Variants in TMC2 observed in about 807,000 individuals in gnomAD.
The protein encoded by TMC2 is transmembrane channel like 2.
TMC2 carries 102 observed loss-of-function variants against 105.9 expected under a neutral mutation model. The observed-to-expected ratio is 0.96, with a 90% confidence interval of 0.82 to 1.14. TMC2 has a LOEUF of 1.14. Among genes scored for constraint, TMC2 ranks in the 50% most tolerant of loss-of-function variants. The pLI is 0.00. For missense variants in TMC2, 1,093 were observed against 1,134.3 expected, an observed-to-expected ratio of 0.96 and a Z score of 0.52; for synonymous variants, 402 against 422.8, an observed-to-expected ratio of 0.95 and a Z score of 0.60.
At chr20:2,551,397 G>C (rs1018008308) in intron 2 of TMC2, among the ~76,000 whole-genome samples, 20 of 137,544 alleles carry the variant, frequency 1.5e-4, no homozygotes, top group Non-Finnish European at 2.9e-4. Flanking sequence ...CTACTAGTTT[G>C]TGGGTTTTTT....
Position 2,572,237 on chromosome 20 carries a change from C to A in TMC2, c.613C>A (p.Gln205Lys), listed in dbSNP as rs199595467. ...TGCCTTGGGAAAGGGGAAAGGCAAG[C>A]AACTATATGCCTACAAGATGCTGAT... The part of the protein sequence containing the change: ...EGALGKGKGK[Q>K]LYAYKMLMAK... Residue 205 changes from glutamine to lysine, a missense_variant, in exon 5 of 20, where the codon CAA becomes AAA. Gln to Lys is a moderately conservative substitution (Grantham distance 53). Transcript: ENST00000358864. 107 of 1,612,848 alleles carry A rather than the reference C, an allele frequency of 6.6e-5. No homozygotes were observed. Among genetic ancestry groups the A allele is most frequent in the Non-Finnish European group, 8.6e-5 (102 of 1,179,670 alleles).
At chr20:2,573,722 G>T (rs966417127) in intron 5 of TMC2, among the ~76,000 whole-genome samples, 1 of 147,142 alleles carries the variant, frequency 6.8e-6, no homozygotes, top group Non-Finnish European at 1.5e-5. Flanking sequence ...CACCACGCCC[G>T]GCTAATTTTT....
At chr20:2,601,662 G>A (rs1284635375) in intron 10 of TMC2, among the ~76,000 whole-genome samples, 3 of 152,054 alleles carry the variant, frequency 2.0e-5, no homozygotes, top group Non-Finnish European at 4.4e-5. Flanking sequence ...CCAACATGGA[G>A]AAACCCCATC....
chr20:2,642,883 C>G lies in TMC2; in HGVS notation c.*1532C>G, dbSNP rs1200767098. Among the ~76,000 whole-genome samples the G allele has an allele frequency of 6.6e-6, 1 of 152,016 alleles. No homozygotes were observed. The highest frequency in any genetic ancestry group is 1.5e-5 in the Non-Finnish European group (1 of 68,028). ...ATCAACTGTTACAGCCACCACCCAA[C>G]CAGGCCCCCAGGGGTTCTCAGGAGA... On this transcript the variant is annotated 3_prime_UTR_variant, in exon 20 of 20. Transcript: ENST00000358864.
intron 16 of TMC2, chr20:2,617,566 T>C (rs2086493957): frequency 1.9e-6 from 1 of 522,652 alleles, no homozygotes; most frequent in South Asian, 2.6e-5. Flanking sequence ...ACTGAGAAAA[T>C]TAATTTCTCA....
rs112203083 is a variant in TMC2 at position 2,636,656 on chromosome 20, G to A, written c.2385+652G>A. On this transcript the variant is annotated intron_variant, in intron 18 of 19. Coordinates refer to ENST00000358864, the MANE Select transcript of TMC2 (RefSeq NM_080751.3). The stretch of plus-strand genomic sequence containing the variant: ...TTTGTTTGTTTTAAGATGGAGTCTC[G>A]CTCTGTCACCAGGCTGGAGTGCAGT... Among the ~76,000 whole-genome samples, 31 of 152,124 alleles carry A rather than the reference G, an allele frequency of 2.0e-4. 1 individual carries two copies. The highest frequency in any genetic ancestry group is 6.7e-4 in the African/African-American group (28 of 41,482).
At chr20:2,630,275 T>C (rs2086594494) in intron 17 of TMC2, among the ~76,000 whole-genome samples, 1 of 152,232 alleles carries the variant, frequency 6.6e-6, no homozygotes, top group Non-Finnish European at 1.5e-5. Flanking sequence ...TTGTTTCTAT[T>C]ACTGAAAGTA....
intron 8 of TMC2, among the ~76,000 whole-genome samples, chr20:2,594,030 G>A (rs972157861): frequency 7.9e-5 from 12 of 152,014 alleles, no homozygotes; most frequent in Admixed American, 2.6e-4. Context: ...TCCCTCCTTT[G>A]TGAGCTTCAT....
chr20:2,579,162 A>G lies in TMC2; in HGVS notation c.662A>G (p.Lys221Arg), dbSNP rs777519107. 1.3e-6 allele frequency: 2 copies of G among 1,589,790 alleles called. No individual in the cohort carries two copies. Among genetic ancestry groups the G allele is most frequent in the South Asian group, 2.2e-5 (2 of 90,518 alleles). ...MLMAKKWVKF[K>R]RDFDNFKTQC... is the part of the protein sequence containing the mutation. ...TTATTTCAGAAATGGGTCAAATTTAAGAGAGACTTTGATAATTTCAAGACT... is the reference window on the plus strand; with the variant it reads ...TTATTTCAGAAATGGGTCAAATTTAGGAGAGACTTTGATAATTTCAAGACT... The change falls in exon 6 of 20, where the codon AAG (lysine) becomes AGG (arginine). Residue 221 changes from lysine (K) to arginine (R), a missense_variant. By Grantham distance (26) the Lys-to-Arg change is conservative. Coordinates refer to ENST00000358864, the MANE Select transcript of TMC2 (RefSeq NM_080751.3).
chr20:2,589,148 T>C, intron 7 of TMC2, among the ~76,000 whole-genome samples: 1 of 152,342 alleles, frequency 6.6e-6, no homozygotes, highest in East Asian at 1.9e-4. Flanking sequence ...GTTTTACTTA[T>C]TCCTCTGGTG....
rs2085952969 is a variant in TMC2, at chr20:2,550,945, T to A, written c.83-7511T>A. Among the ~76,000 whole-genome samples the A allele has an allele frequency of 2.6e-5, 4 of 152,224 alleles. No homozygotes were observed. The South Asian group carries it at 8.3e-4, about 31-fold the overall frequency. On this transcript the variant is annotated intron_variant, in intron 2 of 19. Transcript: ENST00000358864. ...TTATGAATAAGGTGGCCGTAAATATTTGTGTGCAGGCTTTTGTTTTGGGAC... is the reference window on the plus strand; with the variant it reads ...TTATGAATAAGGTGGCCGTAAATATATGTGTGCAGGCTTTTGTTTTGGGAC...
chr20:2,572,575 C>T (rs981773863), intron 5 of TMC2, among the ~76,000 whole-genome samples: 8 of 152,110 alleles, frequency 5.3e-5, no homozygotes, highest in African/African-American at 1.9e-4. Context: ...CAAATCAGGA[C>T]AGGTTGAGTT....
intron 7 of TMC2, among the ~76,000 whole-genome samples, chr20:2,581,165 CA>C (rs2086186821): frequency 6.6e-6 from 1 of 152,184 alleles, no homozygotes; most frequent in South Asian, 2.1e-4. Flanking sequence ...ACATTTTCTG[CA>C]CAGCCACTTT....
chr20:2,624,195 A>AG, intron 16 of TMC2, 76 bp from the exon 17 acceptor site: 4 of 1,497,146 alleles, frequency 2.7e-6, no homozygotes, highest in South Asian at 1.3e-5. Flanking sequence ...GGACCTGGGT[A>AG]GGGGGGCCAT....
At position 2,613,234 on chromosome 20, in the gene TMC2, ACAT is replaced by A; in HGVS notation, c.1787_1789del (p.Ile596del). 6.2e-7 allele frequency: 1 copy of A among 1,614,060 alleles called. No individual in the cohort carries two copies. Among genetic ancestry groups the A allele is most frequent in the Non-Finnish European group, 8.5e-7 (1 of 1,179,962 alleles). ...ACGGTGTCTGACATGCTGGTAACGT[ACAT>A]CACCATCCTGCTGGGGGACTTCCTA... On this transcript the variant is annotated inframe_deletion, in exon 14 of 20. Coordinates refer to ENST00000358864, the MANE Select transcript of TMC2 (RefSeq NM_080751.3).
chr20:2,589,113 C>T (rs1018900501), intron 7 of TMC2, among the ~76,000 whole-genome samples: 11 of 152,056 alleles, frequency 7.2e-5, no homozygotes, highest in East Asian at 1.9e-4. Flanking sequence ...CTGAGTGCTA[C>T]GCATTGTTTG....
rs2086548396 is a variant in TMC2 at position 2,624,292 on chromosome 20, T to C, written c.2202T>C (p.Asp734=). Reference sequence around the variant, plus strand: ...CCAGTGGGAAAAACAGAATGTACGATGTCCTCCAAGAGACCATTGAAAACG... The same window carrying C: ...CCAGTGGGAAAAACAGAATGTACGACGTCCTCCAAGAGACCATTGAAAACG... ...GPFSGKNRMY[D]VLQETIENDF... is the part of the protein sequence containing the mutation. The change falls in exon 17 of 20, where the codon GAT becomes GAC. Residue 734 remains aspartate (D), a synonymous_variant. Transcript: ENST00000358864. The C allele has an allele frequency of 1.2e-6, 2 of 1,614,112 alleles. No individual in the cohort carries two copies. The highest frequency in any genetic ancestry group is 3.3e-4 in the Middle Eastern group (2 of 6,062).
chr20:2,537,947 C>G (rs889173467), intron 2 of TMC2, among the ~76,000 whole-genome samples: 2 of 152,168 alleles, frequency 1.3e-5, no homozygotes, highest in African/African-American at 4.8e-5. Context: ...ACGTCCCAGG[C>G]AGGGCTGGGT....
At position 2,641,744 on chromosome 20, in the gene TMC2, G is replaced by C. The variant is rs2422812; in HGVS notation, c.*393G>C. On this transcript the variant is annotated 3_prime_UTR_variant, in exon 20 of 20. Transcript: ENST00000358864. ...TTTCTGCCAGCTTCCCTAACCAGGA[G>C]GGGGATGGAGAAGGGCCTACATTTC... is the stretch of plus-strand genomic sequence containing the variant. 1.9e-4 allele frequency: 35 copies of C among 188,650 alleles called. No homozygotes were observed. In the East Asian group the frequency reaches 4.6e-3, roughly 25 times the overall value. 11.7% of individuals were successfully genotyped at this position (188,650 alleles called of 1,614,324 possible).
Sources: gnomAD v4.1 joint callset for allele counts (sites outside exome capture counted in the v4.1 genomes callset) on GRCh38, gnomAD v4.1.1 for gene constraint, MANE v1.5 for transcripts, NCBI Gene and HGNC (gene_info 2026-07-23, HGNC 2026-07-21) for gene names.